The following PRDM2 variants were observed in gnomAD, a reference collection of about 807,000 sequenced individuals.
PRDM2 encodes the protein PR domain zinc finger protein 2.
In PRDM2, 30 loss-of-function variants were observed where a neutral mutation model predicts 130.0. The observed-to-expected ratio is 0.23, with a 90% CI of 0.17 to 0.31. The LOEUF is 0.31. Ranked by LOEUF, PRDM2 falls within the 10% of genes least tolerant of loss-of-function variation. The pLI is 1.00. For synonymous variants in PRDM2, 871 were observed against 782.4 expected, an observed-to-expected ratio of 1.11 and a Z score of -1.89; for missense variants, 2,011 against 2,108.4, an observed-to-expected ratio of 0.95 and a Z score of 0.90.
In PRDM2 at chr1:13,810,663, T is replaced by A. The variant is rs540315881; in HGVS notation, c.5037-5764T>A. 2.6e-5 allele frequency among the ~76,000 whole-genome samples: 4 copies of A among 151,882 alleles called. No individual in the cohort carries two copies. In the East Asian group the frequency reaches 7.9e-4, roughly 30 times the overall value. Reference sequence around the variant, plus strand: ...GCGCCCGCCACCACACCCGGCTAATTTTTTGTATTTTTAGTAGAGACGGGG... The same window carrying A: ...GCGCCCGCCACCACACCCGGCTAATATTTTGTATTTTTAGTAGAGACGGGG... On this transcript the variant is annotated intron_variant, in intron 8 of 9. Transcript: ENST00000311066.
chr1:13,786,663 A>G (rs887075049), intron 8 of PRDM2: 4 of 1,528,066 alleles, frequency 2.6e-6, no homozygotes, highest in African/African-American at 1.4e-5. Flanking sequence ...AAATCCTAAC[A>G]TTCAGCTGAT....
Position 13,818,545 on chromosome 1 carries a change from A to ATT in PRDM2, c.*23+1988_*23+1989dup, listed in dbSNP as rs60773281. On this transcript the variant is annotated intron_variant, in intron 9 of 9. Coordinates refer to ENST00000311066, the MANE Select transcript of PRDM2 (RefSeq NM_001393986.1). ...AGGCACCCGCCACTACTCCTGGCTA[A>ATT]TTTTTTTTTTTTTTGTATTTTAGTA... Among the ~76,000 whole-genome samples the ATT allele has an allele frequency of 6.8e-3, 975 of 143,550 alleles. 8 individuals are homozygous for ATT. The highest frequency in any genetic ancestry group is 0.035 in the South Asian group (156 of 4,478). The allele number at this position is 143,550 out of a possible 152,430, so 94.2% of individuals were successfully genotyped here.
At chr1:13,811,855 CACTT>C (rs1229205242) in intron 8 of PRDM2, among the ~76,000 whole-genome samples, 1 of 152,228 alleles carries the variant, frequency 6.6e-6, no homozygotes, top group African/African-American at 2.4e-5. Flanking sequence ...TTTCAGGAGA[CACTT>C]AAGCTGAGAC....
intron 6 of PRDM2, among the ~76,000 whole-genome samples, chr1:13,766,278 T>C (rs912530759): frequency 2.2e-4 from 33 of 152,236 alleles, no homozygotes; most frequent in African/African-American, 7.7e-4. Flanking sequence ...GGCCCTCTTA[T>C]GTAGGGGCAG....
intron 1 of PRDM2, among the ~76,000 whole-genome samples, chr1:13,706,176 C>T (rs1486286104): frequency 6.6e-6 from 1 of 151,972 alleles, no homozygotes; most frequent in Non-Finnish European, 1.5e-5. Flanking sequence ...CCATTCCTTC[C>T]CTCTGCAGTG....
chr1:13,723,378 A>C (rs542858389), intron 2 of PRDM2, among the ~76,000 whole-genome samples: 1 of 152,280 alleles, frequency 6.6e-6, no homozygotes, highest in African/African-American at 2.4e-5. Flanking sequence ...TGCGTTCCCC[A>C]GGTAGCGCTG....
At chr1:13,739,579 G>A (rs1643377704) in intron 4 of PRDM2, among the ~76,000 whole-genome samples, 2 of 152,146 alleles carry the variant, frequency 1.3e-5, no homozygotes, top group Non-Finnish European at 2.9e-5. Flanking sequence ...CAGCTATATG[G>A]ATGGACCATA....
At chr1:13,760,240 A>G (rs1055774757) in intron 6 of PRDM2, among the ~76,000 whole-genome samples, 2 of 152,118 alleles carry the variant, frequency 1.3e-5, no homozygotes, top group Admixed American at 1.3e-4. Flanking sequence ...CTCATGGGTG[A>G]TTGTCAGAAA....
In PRDM2 at chr1:13,816,445, G is replaced by A. The variant is rs777213855; in HGVS notation, c.5055G>A (p.Ala1685=). ...TGCACAGCTACAGCCTCCGCTTGGCGTCCCGATGCTCTCCACCAGCGGCCC... is the reference window on the plus strand; with the variant it reads ...TGCACAGCTACAGCCTCCGCTTGGCATCCCGATGCTCTCCACCAGCGGCCC... ...LKDFSYSLRL[A]SRCSPPAAPY... The change falls in exon 9 of 10, where the codon GCG becomes GCA. Residue 1685 remains alanine (A), a synonymous_variant. Transcript: ENST00000311066. The A allele has an allele frequency of 3.8e-5, 62 of 1,613,990 alleles. No homozygotes were observed. In the Admixed American group the frequency reaches 6.3e-4, roughly 16 times the overall value.
intron 8 of PRDM2, among the ~76,000 whole-genome samples, chr1:13,808,496 A>T (rs1194642804): frequency 6.6e-6 from 1 of 150,730 alleles, no homozygotes; most frequent in Non-Finnish European, 1.5e-5. Context: ...GTTGATGCTG[A>T]ACTTGTTCAA....
intron 6 of PRDM2, among the ~76,000 whole-genome samples, chr1:13,754,386 T>C (rs778672942): frequency 6.6e-6 from 1 of 152,148 alleles, no homozygotes; most frequent in Non-Finnish European, 1.5e-5. Flanking sequence ...GTGGGTGTTC[T>C]GGTTGATGTG....
chr1:13,777,051 A>T (rs1218336650), intron 7 of PRDM2, among the ~76,000 whole-genome samples: 2 of 152,212 alleles, frequency 1.3e-5, no homozygotes, highest in Non-Finnish European at 2.9e-5. Context: ...CGTCTGAAGT[A>T]AGCTCTTGAT....
At chr1:13,717,326 A>G in intron 2 of PRDM2, 1 of 556,984 alleles carries the variant, frequency 1.8e-6, no homozygotes, top group Non-Finnish European at 2.3e-6. Context: ...CTATTTTAAG[A>G]TTGATTCTTA....
chr1:13,745,920 T>A (rs1430948463), intron 5 of PRDM2, among the ~76,000 whole-genome samples: 5 of 152,116 alleles, frequency 3.3e-5, no homozygotes, highest in Non-Finnish European at 7.4e-5. Flanking sequence ...GGGGACTGGA[T>A]CGTAGGTGGG....
At chr1:13,716,265 A>T (rs1642532539) in intron 2 of PRDM2, among the ~76,000 whole-genome samples, 1 of 142,342 alleles carries the variant, frequency 7.0e-6, no homozygotes, top group African/African-American at 2.6e-5. Context: ...TCACATGGAC[A>T]CAGGAAGGGG....
chr1:13,766,775 G>A (rs564104809), intron 6 of PRDM2, among the ~76,000 whole-genome samples: 4 of 152,276 alleles, frequency 2.6e-5, no homozygotes, highest in East Asian at 3.9e-4. Context: ...CAGTGAGGAG[G>A]CAGCACATCT....
intron 8 of PRDM2, among the ~76,000 whole-genome samples, chr1:13,802,230 C>T (rs748306582): frequency 6.6e-6 from 1 of 152,188 alleles, no homozygotes; most frequent in African/African-American, 2.4e-5. Context: ...CCCGTTCAGG[C>T]ACCAAGTGAG....
rs1644613226 is a variant in PRDM2, at chr1:13,781,554, A to C, written c.3759A>C (p.Leu1253Phe). Residue 1253 changes from leucine to phenylalanine, a missense_variant, in exon 8 of 10, where the codon TTA becomes TTC. Leu to Phe is a conservative substitution (Grantham distance 22). Around this residue, in one of 5 missense-constraint regions of PRDM2, gnomAD observed 229 missense variants for 364.1 expected, o/e 0.63. Transcript: ENST00000311066. The surrounding 1 kb of genome is among the most constrained non-coding windows in gnomAD (Gnocchi z 6.1). The stretch of plus-strand genomic sequence containing the variant: ...TGCAGAGCTTGCCAGAAGATCCTTT[A>C]GAAACTTCTAAAGAAGAAGAGGAGT... ...EHMQSLPEDPLETSKEEEELN... is the reference protein window; with the variant it reads ...EHMQSLPEDPFETSKEEEELN... The C allele has an allele frequency of 6.2e-7, 1 of 1,612,280 alleles. No individual in the cohort carries two copies. The highest frequency in any genetic ancestry group is 1.3e-5 in the African/African-American group (1 of 74,932).
chr1:13,719,307 C>A (rs2100428501), intron 2 of PRDM2, among the ~76,000 whole-genome samples: 1 of 152,252 alleles, frequency 6.6e-6, no homozygotes, highest in Non-Finnish European at 1.5e-5. Flanking sequence ...AGTACAAAGA[C>A]CCTGAAGTGG....
Sources: gnomAD v4.1 joint callset for allele counts (sites outside exome capture counted in the v4.1 genomes callset) on GRCh38, gnomAD v4.1.1 for gene constraint, gnomAD v4.1.1 regional missense constraint, Gnocchi (gnomAD v3.1) non-coding constraint, MANE v1.5 for transcripts, NCBI Gene and HGNC (gene_info 2026-07-23, HGNC 2026-07-21) for gene names.